Variants in GABBR2 observed in about 807,000 individuals in gnomAD.
GABBR2 encodes the protein gamma-aminobutyric acid type B receptor subunit 2.
Under a neutral mutation model 105.6 loss-of-function variants are expected in GABBR2, and 23 were observed. That is an observed-to-expected ratio of 0.22 (90% confidence interval 0.16 to 0.31). The LOEUF (loss-of-function observed/expected upper bound fraction) is 0.31, where lower values mean the gene tolerates loss of function less well. Ranked by LOEUF, GABBR2 falls within the 10% of genes least tolerant of loss-of-function variation. GABBR2 has a pLI of 1.00. For missense variants in GABBR2, 734 were observed against 1,245.5 expected (o/e 0.59, Z 6.18); for synonymous variants, 478 against 499.7 (o/e 0.96, Z 0.58).
At chr9:98,669,865 A>C (rs1358651051) in intron 1 of GABBR2, among the ~76,000 whole-genome samples, 1 of 151,862 alleles carries the variant, frequency 6.6e-6, no homozygotes, top group Non-Finnish European at 1.5e-5. Flanking sequence ...TGAGGAATCT[A>C]GTCCAAGGAG....
At chr9:98,333,946 C>T (rs1480169840) in intron 13 of GABBR2, among the ~76,000 whole-genome samples, 1 of 152,198 alleles carries the variant, frequency 6.6e-6, no homozygotes, top group Non-Finnish European at 1.5e-5. Context: ...ATGGTAATTC[C>T]CACATGGGGT....
intron 13 of GABBR2, chr9:98,362,408 A>G (rs1388925407): frequency 5.9e-6 from 1 of 170,650 alleles, no homozygotes; most frequent in Non-Finnish European, 1.2e-5. Flanking sequence ...AAATTGGGAT[A>G]AATATGCAAT....
rs1930413 is a variant in GABBR2, at chr9:98,482,024, G to A, written c.733-1027C>T. On this transcript the variant is annotated intron_variant, in intron 4 of 18. Transcript: ENST00000259455. ...CAGGCTGAAAGAGAACGGGTGGGGCGGCCACCAGGAGACCAGCCAGGCCCT... is the reference window on the plus strand; with the variant it reads ...CAGGCTGAAAGAGAACGGGTGGGGCAGCCACCAGGAGACCAGCCAGGCCCT... Among the ~76,000 whole-genome samples, 260 of 152,218 alleles carry A rather than the reference G, an allele frequency of 1.7e-3. 1 individual carries two copies. Among genetic ancestry groups the A allele is most frequent in the African/African-American group, 5.9e-3 (245 of 41,522 alleles).
chr9:98,321,864 C>T (rs1299366075), intron 13 of GABBR2, among the ~76,000 whole-genome samples: 1 of 152,198 alleles, frequency 6.6e-6, no homozygotes, highest in African/African-American at 2.4e-5. Flanking sequence ...TGATTGCCTT[C>T]TCTCTTGCAT....
In GABBR2 at chr9:98,505,558, G is replaced by A. The variant is rs543955755; in HGVS notation, c.631-9044C>T. Among the ~76,000 whole-genome samples, 14 of 152,286 alleles carry A rather than the reference G, an allele frequency of 9.2e-5. No individual in the cohort carries two copies. The South Asian group carries it at 2.9e-3, about 32-fold the overall frequency. On this transcript the variant is annotated intron_variant, in intron 3 of 18. Transcript: ENST00000259455. The stretch of plus-strand genomic sequence containing the variant: ...GTCTAAGTTCTAACCCTGACAACTT[G>A]TGAATGTGACCTCATTTGGAAAAAG...
chr9:98,508,562 C>T (rs1477157220), intron 3 of GABBR2, among the ~76,000 whole-genome samples: 1 of 152,228 alleles, frequency 6.6e-6, no homozygotes, highest in Non-Finnish European at 1.5e-5. Context: ...GTCACTCCCA[C>T]CCTAATACTG....
intron 2 of GABBR2, among the ~76,000 whole-genome samples, chr9:98,562,618 A>T (rs1034164769): frequency 6.6e-6 from 1 of 152,180 alleles, no homozygotes. Context: ...AGGGAAAGAG[A>T]GGAAAAGCAA....
At chr9:98,630,448 C>CTTCAT (rs1829800931) in intron 1 of GABBR2, among the ~76,000 whole-genome samples, 1 of 152,122 alleles carries the variant, frequency 6.6e-6, no homozygotes, top group African/African-American at 2.4e-5. Flanking sequence ...GCTGTGGATA[C>CTTCAT]CTGGCATCAG....
chr9:98,525,384 G>T (rs1447707239), intron 3 of GABBR2, among the ~76,000 whole-genome samples: 1 of 152,170 alleles, frequency 6.6e-6, no homozygotes, highest in Non-Finnish European at 1.5e-5. Flanking sequence ...TATACAAATA[G>T]CTAATAAGCA....
At chr9:98,484,703 T>C (rs915776483) in intron 4 of GABBR2, among the ~76,000 whole-genome samples, 4 of 152,122 alleles carry the variant, frequency 2.6e-5, no homozygotes, top group African/African-American at 9.7e-5. Context: ...TATACTGCGT[T>C]CTCCTTTCTA....
chr9:98,508,818 C>T (rs1189888812), intron 3 of GABBR2, among the ~76,000 whole-genome samples: 2 of 152,132 alleles, frequency 1.3e-5, no homozygotes, highest in East Asian at 3.9e-4. Flanking sequence ...GGCCTGCCTG[C>T]CTCTGTAGGC....
chr9:98,658,731 G>A (rs1432250135), intron 1 of GABBR2, among the ~76,000 whole-genome samples: 1 of 152,170 alleles, frequency 6.6e-6, no homozygotes, highest in African/African-American at 2.4e-5. Flanking sequence ...AAAAAGCCCT[G>A]GCTTGGGGGC....
At chr9:98,328,667 A>T (rs577241783) in intron 13 of GABBR2, among the ~76,000 whole-genome samples, 1 of 152,268 alleles carries the variant, frequency 6.6e-6, no homozygotes, top group Non-Finnish European at 1.5e-5. Context: ...TAAGTTTTGC[A>T]TTTTTTCTTT....
Position 98,339,352 on chromosome 9 carries a change from A to C in GABBR2, c.1893+23363T>G, listed in dbSNP as rs541539978. On this transcript the variant is annotated intron_variant, in intron 13 of 18. Transcript: ENST00000259455. ...TGTCTGCCAGTCAGCCATGCAGAGA[A>C]TGACTTGGAAGGAGCAATGAGCTGG... 2.0e-5 allele frequency among the ~76,000 whole-genome samples: 3 copies of C among 152,280 alleles called. No individual in the cohort carries two copies. The East Asian group carries it at 5.8e-4, about 29-fold the overall frequency.
At chr9:98,557,808 G>A (rs895891072) in intron 2 of GABBR2, among the ~76,000 whole-genome samples, 1 of 152,210 alleles carries the variant, frequency 6.6e-6, no homozygotes, top group Non-Finnish European at 1.5e-5. Context: ...ATAAAATTAT[G>A]AGTCAGTTTA....
At chr9:98,297,090 T>C (rs1289509493) in intron 17 of GABBR2, among the ~76,000 whole-genome samples, 1 of 152,192 alleles carries the variant, frequency 6.6e-6, no homozygotes, top group Admixed American at 6.6e-5. Flanking sequence ...ATCTACCTTA[T>C]TCTCCTCCAG....
chr9:98,572,719 C>T (rs1160859693), intron 2 of GABBR2, among the ~76,000 whole-genome samples: 1 of 152,156 alleles, frequency 6.6e-6, no homozygotes, highest in East Asian at 1.9e-4. Flanking sequence ...ACTCCCAGAT[C>T]AAGATCCTGA....
chr9:98,515,199 T>G (rs1298751190), intron 3 of GABBR2, among the ~76,000 whole-genome samples: 1 of 152,058 alleles, frequency 6.6e-6, no homozygotes, highest in African/African-American at 2.4e-5. Context: ...GACTGCTGCA[T>G]CTCCAAGGAA....
intron 6 of GABBR2, among the ~76,000 whole-genome samples, chr9:98,464,055 C>A (rs528437098): frequency 4.6e-5 from 7 of 152,182 alleles, no homozygotes; most frequent in African/African-American, 7.2e-5. Context: ...CCGCCCGCCA[C>A]CCCGTCTAGG....
Sources: allele counts gnomAD v4.1 joint callset (sites outside exome capture counted in the v4.1 genomes callset), GRCh38; gene constraint gnomAD v4.1.1; transcripts MANE v1.5; gene names NCBI Gene and HGNC (gene_info 2026-07-23, HGNC 2026-07-21).